GNG4: variants seen among roughly 807,000 people sequenced by gnomAD.
The protein encoded by GNG4 is G protein subunit gamma 4.
In GNG4, 4 loss-of-function variants were observed where a neutral mutation model predicts 5.8. That is an observed-to-expected ratio of 0.69 (90% CI 0.34 to 1.57). The LOEUF is 1.57. Among genes scored for constraint, GNG4 ranks in the 40% most tolerant of loss-of-function variants. GNG4 has a pLI of 0.06. For missense variants in GNG4, 96 were observed against 95.1 expected (o/e 1.01, Z -0.04); for synonymous variants, 29 against 32.9 (o/e 0.88, Z 0.41).
intron 1 of GNG4, among the ~76,000 whole-genome samples, chr1:235,607,139 G>A (rs1317317494): frequency 6.6e-6 from 1 of 151,678 alleles, no homozygotes; most frequent in African/African-American, 2.4e-5. Context: ...TAGAAATGGG[G>A]TTTCACTATG....
intron 1 of GNG4, among the ~76,000 whole-genome samples, chr1:235,613,072 T>G (rs1688515196): frequency 6.6e-6 from 1 of 151,154 alleles, no homozygotes; most frequent in Admixed American, 6.6e-5. Flanking sequence ...CCAGTACTAC[T>G]GCACTGGGGA....
At chr1:235,593,981 C>T (rs980053344) in intron 2 of GNG4, among the ~76,000 whole-genome samples, 2 of 152,156 alleles carry the variant, frequency 1.3e-5, no homozygotes, top group Admixed American at 6.5e-5. Context: ...TCTAATCTGG[C>T]CCCACCTACA....
intron 1 of GNG4, among the ~76,000 whole-genome samples, chr1:235,631,131 T>C (rs1398108753): frequency 6.6e-6 from 1 of 152,196 alleles, no homozygotes; most frequent in Non-Finnish European, 1.5e-5. Flanking sequence ...GCTCCTGACC[T>C]CAGGTGATCC....
In GNG4 at chr1:235,583,730, G is replaced by A; in HGVS notation, c.99+10C>T. On this transcript the variant is annotated intron_variant, in intron 3 of 3. Transcript: ENST00000391854. The stretch of plus-strand genomic sequence containing the variant: ...CGGGCGGAGGGTGGGGCTGACGCAT[G>A]CATGCTTACCTTGACCCTGTCCATA... 1 of 1,571,680 alleles carries A rather than the reference G, an allele frequency of 6.4e-7. No homozygotes were observed. Among genetic ancestry groups the A allele is most frequent in the Non-Finnish European group, 8.8e-7 (1 of 1,141,932 alleles).
chr1:235,650,109 G>T (rs1321765181), upstream of GNG4: 2 of 148,414 alleles, frequency 1.3e-5, no homozygotes, highest in South Asian at 2.1e-4. Flanking sequence ...CCCCGCCCCC[G>T]CCCCAGCCCG....
At chr1:235,643,290 G>T (rs1239607701) in intron 1 of GNG4, among the ~76,000 whole-genome samples, 4 of 152,176 alleles carry the variant, frequency 2.6e-5, no homozygotes, top group Middle Eastern at 3.2e-3. Flanking sequence ...GCCCTGCCTG[G>T]AAAGCCCTTT....
intron 1 of GNG4, among the ~76,000 whole-genome samples, chr1:235,600,100 CTTTTTTTTTTT>C (rs533853180): frequency 1.2e-4 from 5 of 43,128 alleles, no homozygotes; most frequent in Non-Finnish European, 1.6e-4. Flanking sequence ...CGGAAGAAAG[CTTTTTTTTTTT>C]TTTTTTTTTT....
chr1:235,617,775 T>C (rs1340802526), intron 1 of GNG4, among the ~76,000 whole-genome samples: 2 of 151,548 alleles, frequency 1.3e-5, no homozygotes, highest in Non-Finnish European at 2.9e-5. Context: ...GTTCCAGCTA[T>C]TTGGGAGGCT....
At chr1:235,555,815 A>G (rs1281515323) in intron 3 of GNG4, among the ~76,000 whole-genome samples, 2 of 152,132 alleles carry the variant, frequency 1.3e-5, no homozygotes, top group African/African-American at 4.8e-5. Context: ...TGACATATCT[A>G]TTACCTCACA....
At chr1:235,555,399 A>G (rs12069388) in intron 3 of GNG4, among the ~76,000 whole-genome samples, 18,287 of 152,208 alleles carry the variant, frequency 0.12, 1,947 homozygotes, top group African/African-American at 0.28. Context: ...GCTAACATTT[A>G]CATTTACTGA....
At chr1:235,623,943 AAC>A (rs1688758506) in intron 1 of GNG4, among the ~76,000 whole-genome samples, 1 of 152,192 alleles carries the variant, frequency 6.6e-6, no homozygotes, top group African/African-American at 2.4e-5. Context: ...AAATCACAAT[AAC>A]ACAAAAACTC....
chr1:235,628,540 C>T (rs1427535772), intron 1 of GNG4, among the ~76,000 whole-genome samples: 1 of 152,142 alleles, frequency 6.6e-6, no homozygotes, highest in Admixed American at 6.5e-5. Flanking sequence ...CAACAGCAAC[C>T]AGCCTAAAGG....
chr1:235,581,316 T>A (rs1571891991), intron 3 of GNG4, among the ~76,000 whole-genome samples: 1 of 151,894 alleles, frequency 6.6e-6, no homozygotes, highest in South Asian at 2.1e-4. Context: ...GATCACGAGG[T>A]CAAGAGATTG....
chr1:235,643,861 A>G (rs1156614467), intron 1 of GNG4, among the ~76,000 whole-genome samples: 2 of 152,380 alleles, frequency 1.3e-5, no homozygotes, highest in South Asian at 2.1e-4. Flanking sequence ...ATTGACTGCA[A>G]CAAACCCTAG....
chr1:235,613,825 T>A (rs1475325666), intron 1 of GNG4, among the ~76,000 whole-genome samples: 2 of 152,158 alleles, frequency 1.3e-5, no homozygotes, highest in African/African-American at 4.8e-5. Context: ...TTGCCAAGGT[T>A]GGGTTCTCAT....
intron 1 of GNG4, among the ~76,000 whole-genome samples, chr1:235,610,259 C>T (rs1382453976): frequency 6.6e-6 from 1 of 152,182 alleles, no homozygotes; most frequent in African/African-American, 2.4e-5. Context: ...CAGGTGTTAT[C>T]CTTTGCCAGG....
intron 3 of GNG4, among the ~76,000 whole-genome samples, chr1:235,561,328 GTGGT>G (rs1239444624): frequency 6.6e-6 from 1 of 151,862 alleles, no homozygotes; most frequent in Admixed American, 6.6e-5. Flanking sequence ...ATTTTTTAAT[GTGGT>G]TGGTTGTTTT....
intron 1 of GNG4, among the ~76,000 whole-genome samples, chr1:235,604,310 C>T (rs767781575): frequency 1.2e-4 from 18 of 152,174 alleles, no homozygotes; most frequent in Non-Finnish European, 1.9e-4. Flanking sequence ...GATCACCACA[C>T]GGGGGACGAA....
chr1:235,635,268 G>A (rs564310727), intron 1 of GNG4, among the ~76,000 whole-genome samples: 24 of 152,102 alleles, frequency 1.6e-4, no homozygotes, highest in African/African-American at 2.9e-4. Flanking sequence ...AGGCTGAGAC[G>A]GGTGGATCAC....
Sources: allele counts gnomAD v4.1 joint callset (sites outside exome capture counted in the v4.1 genomes callset), GRCh38; gene constraint gnomAD v4.1.1; transcripts MANE v1.5; gene names NCBI Gene and HGNC (gene_info 2026-07-23, HGNC 2026-07-21).